Variants in XRCC4 observed in about 807,000 individuals in gnomAD.
The protein encoded by XRCC4 is DNA repair protein XRCC4.
XRCC4 carries 28 observed loss-of-function variants against 39.1 expected under a neutral mutation model. The ratio of observed to expected loss-of-function variants is 0.72; its 90% confidence interval spans 0.53 to 0.98. The LOEUF is 0.98. Among genes scored for constraint, XRCC4 ranks in the 50% least tolerant of loss-of-function variants. The probability of loss-of-function intolerance (pLI) is 0.00; values close to 1 mark genes in which losing one functional copy is unlikely to be tolerated. For synonymous variants in XRCC4, 123 were observed against 126.4 expected, an observed-to-expected ratio of 0.97 and a Z score of 0.18; for missense variants, 350 against 376.4, an observed-to-expected ratio of 0.93 and a Z score of 0.58.
chr5:83,222,540 C>A (rs1580389225), intron 6 of XRCC4, among the ~76,000 whole-genome samples: 1 of 152,134 alleles, frequency 6.6e-6, no homozygotes, highest in African/African-American at 2.4e-5. Context: ...ATGTGGAATT[C>A]TTTTTCATCA....
chr5:83,320,428 T>G (rs1469779835), intron 7 of XRCC4, among the ~76,000 whole-genome samples: 1 of 150,512 alleles, frequency 6.6e-6, no homozygotes, highest in African/African-American at 2.4e-5. Context: ...CTGGCGAAGA[T>G]TCTATGAACA....
chr5:83,198,926 G>T (rs1751062451), intron 4 of XRCC4, among the ~76,000 whole-genome samples: 2 of 151,922 alleles, frequency 1.3e-5, no homozygotes, highest in African/African-American at 2.4e-5. Flanking sequence ...TTATTTCATG[G>T]GTTTTCTACT....
intron 7 of XRCC4, among the ~76,000 whole-genome samples, chr5:83,329,014 A>G (rs184130199): frequency 1.4e-4 from 22 of 152,184 alleles, no homozygotes; most frequent in African/African-American, 4.3e-4. Context: ...GCCTCAAGCA[A>G]TTCTCCCACT....
intron 1 of XRCC4, among the ~76,000 whole-genome samples, chr5:83,089,511 C>T (rs1352234354): frequency 6.6e-6 from 1 of 152,118 alleles, no homozygotes; most frequent in Non-Finnish European, 1.5e-5. Context: ...CAATTCAGTA[C>T]AATTCAAACA....
chr5:83,201,383 C>T (rs1468088305), intron 4 of XRCC4: 1 of 152,290 alleles, frequency 6.6e-6, no homozygotes, highest in Non-Finnish European at 1.5e-5. Context: ...GTATCTGGAC[C>T]CACTGGCCCC....
At chr5:83,227,344 A>G (rs1752328972) in intron 6 of XRCC4, among the ~76,000 whole-genome samples, 1 of 152,104 alleles carries the variant, frequency 6.6e-6, no homozygotes, top group South Asian at 2.1e-4. Context: ...TCTATGCCTC[A>G]TATTGTTTGC....
intron 6 of XRCC4, among the ~76,000 whole-genome samples, chr5:83,246,518 A>G (rs1362228080): frequency 1.3e-5 from 2 of 152,174 alleles, no homozygotes; most frequent in Non-Finnish European, 2.9e-5. Context: ...TATTCTACTT[A>G]TATAATCTTC....
chr5:83,236,811 C>A (rs896069437), intron 6 of XRCC4, among the ~76,000 whole-genome samples: 10 of 151,218 alleles, frequency 6.6e-5, no homozygotes, highest in African/African-American at 2.4e-4. Flanking sequence ...ATTTACAAAT[C>A]ACCCAGCAAG....
At chr5:83,212,602 C>T (rs1751690753) in intron 6 of XRCC4, among the ~76,000 whole-genome samples, 1 of 152,046 alleles carries the variant, frequency 6.6e-6, no homozygotes, top group African/African-American at 2.4e-5. Context: ...TCTAAACATC[C>T]AAGCAACTCA....
chr5:83,353,255 A>C lies in XRCC4; in HGVS notation c.*13A>C. ...TGATGAGATTTAACAGTCTCAAAAA[A>C]TACTTTGATGTTCACTAGACTATGT... is the stretch of plus-strand genomic sequence containing the variant. On this transcript the variant is annotated 3_prime_UTR_variant, in exon 8 of 8. Coordinates refer to ENST00000396027, the MANE Select transcript of XRCC4 (RefSeq NM_003401.5). 6.4e-7 allele frequency: 1 copy of C among 1,563,048 alleles called. No homozygotes were observed. Among genetic ancestry groups the C allele is most frequent in the East Asian group, 2.3e-5 (1 of 44,206 alleles).
At chr5:83,166,134 A>T (rs1467714909) in intron 3 of XRCC4, among the ~76,000 whole-genome samples, 1 of 151,372 alleles carries the variant, frequency 6.6e-6, no homozygotes, top group Non-Finnish European at 1.5e-5. Flanking sequence ...TGATCCACCC[A>T]CCTTGGCCTC....
intron 3 of XRCC4, among the ~76,000 whole-genome samples, chr5:83,179,544 T>C (rs1750115379): frequency 6.6e-6 from 1 of 152,174 alleles, no homozygotes; most frequent in South Asian, 2.1e-4. Context: ...CTGCTTTAAC[T>C]TCTTGGCTCT....
intron 7 of XRCC4, among the ~76,000 whole-genome samples, chr5:83,281,457 T>C (rs1196556588): frequency 1.3e-5 from 2 of 152,134 alleles, no homozygotes; most frequent in Non-Finnish European, 2.9e-5. Context: ...GTTAGCAAAA[T>C]GCAGCTCACA....
chr5:83,321,350 CA>C lies in XRCC4; in HGVS notation c.894-31780del, dbSNP rs549505419. Among the ~76,000 whole-genome samples the C allele has an allele frequency of 5.6e-3, 850 of 152,210 alleles. 2 individuals carry two copies. The highest frequency in any genetic ancestry group is 0.01 in the Admixed American group (157 of 15,256). On this transcript the variant is annotated intron_variant, in intron 7 of 7. Transcript: ENST00000396027. The stretch of plus-strand genomic sequence containing the variant: ...GTTTCACTTCAATTTTTTAGGGTTG[CA>C]TAATTTGCCACAATTTTCATCAGAT...
the XRCC4 span, among the ~76,000 whole-genome samples, chr5:83,367,868 C>T: frequency 6.6e-6 from 1 of 151,742 alleles, no homozygotes; most frequent in Admixed American, 6.6e-5. Flanking sequence ...GCTGGGATTA[C>T]AGGCATGAGC....
intron 6 of XRCC4, among the ~76,000 whole-genome samples, chr5:83,237,832 A>G (rs1374272270): frequency 4.6e-5 from 7 of 152,120 alleles, no homozygotes; most frequent in Admixed American, 4.6e-4. Flanking sequence ...TACAATAAAT[A>G]TCACATGTAC....
intron 7 of XRCC4, among the ~76,000 whole-genome samples, chr5:83,327,556 T>C (rs746821735): frequency 9.2e-5 from 14 of 152,098 alleles, no homozygotes; most frequent in Non-Finnish European, 2.1e-4. Context: ...TTAGCTTGAT[T>C]GTTGTGGTTA....
At chr5:83,210,577 G>A (rs1054150009) in intron 6 of XRCC4, among the ~76,000 whole-genome samples, 4 of 152,066 alleles carry the variant, frequency 2.6e-5, no homozygotes, top group Admixed American at 6.5e-5. Context: ...ACATTAGCAC[G>A]TCTACTCTTG....
At chr5:83,310,328 A>G (rs985705900) in intron 7 of XRCC4, among the ~76,000 whole-genome samples, 11 of 152,166 alleles carry the variant, frequency 7.2e-5, no homozygotes, top group Admixed American at 2.0e-4. Flanking sequence ...TGTGTTTACT[A>G]ATTTGTCGAG....
Sources: allele counts gnomAD v4.1 joint callset (sites outside exome capture counted in the v4.1 genomes callset), GRCh38; gene constraint gnomAD v4.1.1; transcripts MANE v1.5; gene names NCBI Gene and HGNC (gene_info 2026-07-23, HGNC 2026-07-21).